The following ADAMTS12 variants were observed in gnomAD, a reference collection of about 807,000 sequenced individuals.
ADAMTS12 encodes the protein ADAM metallopeptidase with thrombospondin type 1 motif 12, also known as A disintegrin and metalloproteinase with thrombospondin motifs 12.
In ADAMTS12, 118 loss-of-function variants were observed where a neutral mutation model predicts 167.8. The observed-to-expected ratio is 0.70, with a 90% CI of 0.61 to 0.82. The LOEUF (loss-of-function observed/expected upper bound fraction) is 0.82, where lower values mean the gene tolerates loss of function less well. Ranked by LOEUF, ADAMTS12 falls within the 40% of genes least tolerant of loss-of-function variation. The pLI, the probability that ADAMTS12 is intolerant of heterozygous loss-of-function variation, is 0.00. For missense variants in ADAMTS12, 1,916 were observed against 1,998.8 expected (o/e 0.96, Z 0.79); for synonymous variants, 704 against 716.9 (o/e 0.98, Z 0.29).
intron 3 of ADAMTS12, among the ~76,000 whole-genome samples, chr5:33,741,312 C>T (rs183568646): frequency 3.3e-5 from 5 of 152,318 alleles, no homozygotes; most frequent in Admixed American, 1.3e-4. Flanking sequence ...GGTTGGGTTT[C>T]TCCTGAGGCC....
chr5:33,558,551 A>T (rs1047150549), intron 20 of ADAMTS12, among the ~76,000 whole-genome samples: 1 of 152,190 alleles, frequency 6.6e-6, no homozygotes, highest in African/African-American at 2.4e-5. Flanking sequence ...AGGCCAGGCA[A>T]GGAGTCAAGC....
chr5:33,857,097 A>T (rs1579996673), intron 2 of ADAMTS12, among the ~76,000 whole-genome samples: 2 of 152,296 alleles, frequency 1.3e-5, no homozygotes, highest in South Asian at 4.1e-4. Context: ...ACGAAAGAAA[A>T]CCTGTCATGT....
intron 12 of ADAMTS12, among the ~76,000 whole-genome samples, chr5:33,634,402 A>C (rs777005218): frequency 1.3e-5 from 2 of 152,148 alleles, no homozygotes; most frequent in Admixed American, 6.6e-5. Flanking sequence ...CGGTGTGCAC[A>C]TGAAGAGAAG....
At chr5:33,682,597 A>G (rs950587175) in intron 5 of ADAMTS12, among the ~76,000 whole-genome samples, 38 of 152,184 alleles carry the variant, frequency 2.5e-4, no homozygotes, top group Admixed American at 2.3e-3. Context: ...ACGTGCAGAT[A>G]GACAAGAGGT....
chr5:33,696,758 AT>A (rs1223815901), intron 3 of ADAMTS12, among the ~76,000 whole-genome samples: 1 of 152,166 alleles, frequency 6.6e-6, no homozygotes, highest in African/African-American at 2.4e-5. Context: ...CAATAGAGAT[AT>A]TTACTAAAGC....
intron 2 of ADAMTS12, among the ~76,000 whole-genome samples, chr5:33,848,777 AGAAGTGG>A (rs1324765014): frequency 1.3e-5 from 2 of 152,154 alleles, no homozygotes; most frequent in Non-Finnish European, 2.9e-5. Flanking sequence ...ACTGAAAAAG[AGAAGTGG>A]GAGGGCAGGC....
chr5:33,651,144 T>C (rs1469993509), intron 7 of ADAMTS12, among the ~76,000 whole-genome samples: 2 of 152,192 alleles, frequency 1.3e-5, no homozygotes, highest in African/African-American at 4.8e-5. Flanking sequence ...GAAAGCTTCC[T>C]TCTGAGCAGG....
chr5:33,792,771 G>A (rs1746625424), intron 2 of ADAMTS12, among the ~76,000 whole-genome samples: 1 of 152,230 alleles, frequency 6.6e-6, no homozygotes, highest in Non-Finnish European at 1.5e-5. Flanking sequence ...TTGCAGTCCT[G>A]CACATAAGGG....
intron 2 of ADAMTS12, among the ~76,000 whole-genome samples, chr5:33,798,865 A>T (rs1190735806): frequency 6.6e-6 from 1 of 152,178 alleles, no homozygotes; most frequent in Non-Finnish European, 1.5e-5. Context: ...ACTTCAGCCT[A>T]TGAATTCTGG....
At chr5:33,598,224 C>G (rs1387725130) in intron 16 of ADAMTS12, among the ~76,000 whole-genome samples, 1 of 152,072 alleles carries the variant, frequency 6.6e-6, no homozygotes, top group Non-Finnish European at 1.5e-5. Context: ...ATGCTACAGC[C>G]CTTGTATGTG....
At chr5:33,556,180 G>T (rs76048284) in intron 20 of ADAMTS12, among the ~76,000 whole-genome samples, 7 of 152,296 alleles carry the variant, frequency 4.6e-5, no homozygotes, top group Admixed American at 2.0e-4. Context: ...CTTCATTTCA[G>T]GGGTGAGAAA....
chr5:33,589,395 C>G (rs1561150278), intron 17 of ADAMTS12, among the ~76,000 whole-genome samples: 1 of 152,184 alleles, frequency 6.6e-6, no homozygotes, highest in Non-Finnish European at 1.5e-5. Flanking sequence ...AGGAGGCGAT[C>G]AATCAGGGAT....
chr5:33,797,647 T>C (rs1746832512), intron 2 of ADAMTS12, among the ~76,000 whole-genome samples: 1 of 152,168 alleles, frequency 6.6e-6, no homozygotes, highest in African/African-American at 2.4e-5. Flanking sequence ...GCATTCCTTA[T>C]AAAATATGAT....
At chr5:33,791,222 G>A (rs1227263046) in intron 2 of ADAMTS12, among the ~76,000 whole-genome samples, 1 of 152,112 alleles carries the variant, frequency 6.6e-6, no homozygotes, top group East Asian at 1.9e-4. Context: ...GGATGTTCAG[G>A]CTTAAAATAT....
intron 2 of ADAMTS12, among the ~76,000 whole-genome samples, chr5:33,856,389 T>G (rs553543596): frequency 6.6e-6 from 1 of 152,276 alleles, no homozygotes; most frequent in East Asian, 1.9e-4. Flanking sequence ...ATGACTCTTA[T>G]AGTCACACAT....
At chr5:33,753,229 C>T (rs1039466188) in intron 2 of ADAMTS12, among the ~76,000 whole-genome samples, 1 of 152,192 alleles carries the variant, frequency 6.6e-6, no homozygotes, top group East Asian at 1.9e-4. Context: ...TAACTACCAA[C>T]GCCAATAGCA....
rs865912497 is a variant in ADAMTS12, at chr5:33,570,859, G to A, written c.3972+5195C>T. Reference sequence around the variant, plus strand: ...GCTGTATTCAGGAAACCCATCTCACGTGCAGAGACACACATAGGCTCAAAA... The same window carrying A: ...GCTGTATTCAGGAAACCCATCTCACATGCAGAGACACACATAGGCTCAAAA... On this transcript the variant is annotated intron_variant, in intron 19 of 23. Transcript: ENST00000504830. Among the ~76,000 whole-genome samples the A allele has an allele frequency of 3.1e-3, 461 of 150,620 alleles. 2 individuals are homozygous for A. Among genetic ancestry groups the A allele is most frequent in the Admixed American group, 4.7e-3 (71 of 15,086 alleles).
intron 2 of ADAMTS12, among the ~76,000 whole-genome samples, chr5:33,847,234 AC>A (rs1182198568): frequency 6.6e-6 from 1 of 152,182 alleles, no homozygotes. Flanking sequence ...TCACGTATCC[AC>A]AAGCATTTCT....
chr5:33,699,414 A>G (rs1249826111), intron 3 of ADAMTS12, among the ~76,000 whole-genome samples: 2 of 152,038 alleles, frequency 1.3e-5, no homozygotes, highest in African/African-American at 4.8e-5. Flanking sequence ...ATAAAAATTA[A>G]CTCAAAATGG....
Sources: allele counts gnomAD v4.1 joint callset (sites outside exome capture counted in the v4.1 genomes callset), GRCh38; gene constraint gnomAD v4.1.1; transcripts MANE v1.5; gene names NCBI Gene and HGNC (gene_info 2026-07-23, HGNC 2026-07-21).